MIA2: variants seen among roughly 807,000 people sequenced by gnomAD.
MIA2 encodes MIA SH3 domain ER export factor 2.
Under a neutral mutation model 167.8 loss-of-function variants are expected in MIA2, and 127 were observed. The ratio of observed to expected loss-of-function variants is 0.76; its 90% CI spans 0.66 to 0.88. The LOEUF is 0.88. MIA2 is among the 40% of genes least tolerant of loss of function. The probability of loss-of-function intolerance (pLI) is 0.00; values close to 1 mark genes in which losing one functional copy is unlikely to be tolerated. For synonymous variants in MIA2, 552 were observed against 541.9 expected, an observed-to-expected ratio of 1.02 and a Z score of -0.26; for missense variants, 1,690 against 1,624.7, an observed-to-expected ratio of 1.04 and a Z score of -0.69.
In MIA2 at chr14:39,288,448, TATATA is replaced by T. The variant is rs2060136380; in HGVS notation, c.2131-2570_2131-2566del. On this transcript the variant is annotated intron_variant, in intron 9 of 28. Transcript: ENST00000640607. ...TATATTATACATATATATATATATATATATATATATATATATATATATATATATTT... is the reference window on the plus strand; with the variant it reads ...TATATTATACATATATATATATATATTATATATATATATATATATATATTT... Among the ~76,000 whole-genome samples the T allele has an allele frequency of 3.7e-4, 13 of 34,712 alleles. 2 individuals carry two copies. The highest frequency in any genetic ancestry group is 1.0e-3 in the African/African-American group (6 of 5,800). 22.8% of individuals were successfully genotyped at this position (34,712 alleles called of 152,430 possible).
chr14:39,386,940 G>T (rs989745002), exon 24 of MIA2: 1 of 775,050 alleles, frequency 1.3e-6, no homozygotes, highest in East Asian at 2.6e-5. Flanking sequence ...GCCTAGGAGG[G>T]CCCCAGAAAT....
At chr14:39,282,312 ATAAC>A (rs2059070788) in intron 9 of MIA2, among the ~76,000 whole-genome samples, 1 of 152,220 alleles carries the variant, frequency 6.6e-6, no homozygotes, top group African/African-American at 2.4e-5. Context: ...GAAATTTCAG[ATAAC>A]TTTGATTTTG....
chr14:39,290,900 TC>T, intron 9 of MIA2, 118 bp from the exon 10 acceptor site: 2 of 943,988 alleles, frequency 2.1e-6, no homozygotes, highest in Non-Finnish European at 3.2e-6. Flanking sequence ...GCTAAGTAAA[TC>T]CAAGTAAATT....
intron 21 of MIA2, among the ~76,000 whole-genome samples, chr14:39,316,809 C>A (rs540171013): frequency 6.6e-6 from 1 of 151,026 alleles, no homozygotes; most frequent in South Asian, 2.1e-4. Flanking sequence ...ATGGAGAGGT[C>A]CACACACAGT....
chr14:39,375,516 C>T (rs1410370556), intron 23 of MIA2, among the ~76,000 whole-genome samples: 1 of 152,042 alleles, frequency 6.6e-6, no homozygotes, highest in Non-Finnish European at 1.5e-5. Flanking sequence ...GCCAACATGG[C>T]GAAACCCTGT....
intron 18 of MIA2, among the ~76,000 whole-genome samples, chr14:39,310,265 G>A (rs991302503): frequency 2.6e-5 from 4 of 152,060 alleles, no homozygotes; most frequent in African/African-American, 9.7e-5. Context: ...AGTATATTTA[G>A]TGCCTCATTT....
chr14:39,311,464 TG>T (rs2064232236), intron 18 of MIA2, among the ~76,000 whole-genome samples: 2 of 83,808 alleles, frequency 2.4e-5, no homozygotes, highest in African/African-American at 4.3e-5. Context: ...CTTGATGTGT[TG>T]CTTTTTTTTT....
intron 23 of MIA2, chr14:39,370,538 G>C (rs1256716149): frequency 1.1e-5 from 4 of 363,564 alleles, no homozygotes; most frequent in South Asian, 2.6e-5. Flanking sequence ...AGACTGCGCA[G>C]TTGTAGGATA....
At chr14:39,373,559 C>T (rs564499872) in intron 23 of MIA2, among the ~76,000 whole-genome samples, 58 of 152,322 alleles carry the variant, frequency 3.8e-4, no homozygotes, top group African/African-American at 1.4e-3. Flanking sequence ...TGGTGGTTCA[C>T]GCCTGTAATC....
intron 6 of MIA2, chr14:39,266,586 A>G: frequency 1.0e-6 from 1 of 985,492 alleles, no homozygotes; most frequent in Non-Finnish European, 1.2e-6. Context: ...CTCTGACCAA[A>G]CCACAGCTGA....
chr14:39,380,015 A>G (rs2075122358), intron 23 of MIA2, among the ~76,000 whole-genome samples: 1 of 152,348 alleles, frequency 6.6e-6, no homozygotes, highest in African/African-American at 2.4e-5. Flanking sequence ...GTCAAAACTA[A>G]TGAGAAGGAT....
Position 39,370,524 on chromosome 14 carries a change from A to C in MIA2, c.2249-16361A>C, listed in dbSNP as rs931802299. 1.6e-5 allele frequency: 5 copies of C among 321,722 alleles called. No individual in the cohort carries two copies. In the South Asian group the frequency reaches 1.6e-4, roughly 11 times the overall value. 19.9% of individuals were successfully genotyped at this position (321,722 alleles called of 1,614,324 possible). The stretch of plus-strand genomic sequence containing the variant: ...CCATCACTTTGTAGGCCAGATTGTC[A>C]TGGAGACTGCGCAGTTGTAGGATAT... On this transcript the variant is annotated intron_variant, in intron 23 of 23. Coordinates refer to the MIA2 transcript ENST00000341502.
Position 39,252,817 on chromosome 14 carries a change from A to C in MIA2, c.1637A>C (p.Lys546Thr). The C allele has an allele frequency of 6.2e-6, 10 of 1,613,964 alleles. No homozygotes were observed. Among genetic ancestry groups the C allele is most frequent in the Non-Finnish European group, 8.5e-6 (10 of 1,179,914 alleles). ...GTATATTTTGAACCCTCATCTTCTAAAGATAGTGATGAAAATTCGAAACCA... is the reference window on the plus strand; with the variant it reads ...GTATATTTTGAACCCTCATCTTCTACAGATAGTGATGAAAATTCGAAACCA... The part of the protein sequence containing the change: ...EEVYFEPSSS[K>T]DSDENSKPSV... The change falls in exon 5 of 29, where the codon AAA becomes ACA. Residue 546 changes from lysine to threonine, a missense_variant. Physicochemically the swap from Lys to Thr is moderately conservative, Grantham distance 78 (BLOSUM62 -1). Coordinates refer to ENST00000640607, the MANE Select transcript of MIA2 (RefSeq NM_001329214.4).
chr14:39,385,321 CT>C, intron 23 of MIA2: 1 of 739,260 alleles, frequency 1.4e-6, no homozygotes, highest in South Asian at 1.6e-5. Flanking sequence ...TCCAAATCCT[CT>C]TTAAAAAAAA....
rs1421484930 is a variant in MIA2, at chr14:39,348,777, A to C, written c.3872A>C (p.Glu1291Ala). 6.2e-7 allele frequency: 1 copy of C among 1,613,960 alleles called. No individual in the cohort carries two copies. Among genetic ancestry groups the C allele is most frequent in the South Asian group, 1.1e-5 (1 of 91,072 alleles). The change falls in exon 28 of 29, where the codon GAA (glutamate) becomes GCA (alanine). Residue 1291 changes from glutamate to alanine, a missense_variant. Transcript: ENST00000640607. ...GTGCCTGATTCATCTCTCCCTGCTGAAAATGAAGCCACTGGCCCTGGCTTT... is the reference window on the plus strand; with the variant it reads ...GTGCCTGATTCATCTCTCCCTGCTGCAAATGAAGCCACTGGCCCTGGCTTT... ...LNVPDSSLPAENEATGPGFVP... is the reference protein window; with the variant it reads ...LNVPDSSLPAANEATGPGFVP...
intron 2 of MIA2, among the ~76,000 whole-genome samples, chr14:39,238,341 T>C (rs911403134): frequency 5.3e-5 from 8 of 151,728 alleles, no homozygotes; most frequent in Non-Finnish European, 1.0e-4. Flanking sequence ...CCTGGCTAAT[T>C]TTTGTATTTT....
chr14:39,319,090 CTGTT>C (rs1465864076), intron 22 of MIA2, 115 bp from the exon 23 acceptor site: 2 of 456,684 alleles, frequency 4.4e-6, no homozygotes, highest in East Asian at 3.2e-5. Flanking sequence ...TTTAGAGGAT[CTGTT>C]TGTTCTGTGT....
intron 9 of MIA2, among the ~76,000 whole-genome samples, chr14:39,286,824 G>C (rs1410020349): frequency 6.7e-6 from 1 of 150,186 alleles, no homozygotes. Flanking sequence ...CTCCCAAATT[G>C]CTGGGATTAC....
At chr14:39,251,093 G>A (rs1475566996) in intron 4 of MIA2, among the ~76,000 whole-genome samples, 2 of 152,088 alleles carry the variant, frequency 1.3e-5, no homozygotes, top group Non-Finnish European at 2.9e-5. Context: ...ACTCTTTCAG[G>A]GAATAACAAA....
Sources: gnomAD v4.1 joint callset for allele counts (sites outside exome capture counted in the v4.1 genomes callset) on GRCh38, gnomAD v4.1.1 for gene constraint, MANE v1.5 for transcripts, NCBI Gene and HGNC (gene_info 2026-07-23, HGNC 2026-07-21) for gene names.